NHS: variants seen among roughly 807,000 people sequenced by gnomAD.
NHS encodes the protein NHS actin remodeling regulator, also known as actin remodeling regulator NHS.
A neutral mutation model predicts 72.5 loss-of-function variants in NHS; 5 were observed. The observed-to-expected ratio is 0.07, with a 90% CI of 0.04 to 0.14. The LOEUF is 0.14. Among genes scored for constraint, NHS ranks in the 10% least tolerant of loss-of-function variants. The probability of loss-of-function intolerance (pLI) is 1.00; values close to 1 mark genes in which losing one functional copy is unlikely to be tolerated. For missense variants in NHS, 1,072 were observed against 1,355.7 expected, an observed-to-expected ratio of 0.79 and a Z score of 3.29; for synonymous variants, 464 against 547.7, an observed-to-expected ratio of 0.85 and a Z score of 2.13.
Position 17,692,468 on chromosome X carries a change from G to T in NHS, c.852G>T (p.Thr284=). The T allele has an allele frequency of 8.3e-7, 1 of 1,210,279 alleles. No homozygotes were observed. The highest frequency in any genetic ancestry group is 1.1e-6 in the Non-Finnish European group (1 of 895,016). Residue 284 remains threonine, a splice_region_variant and synonymous_variant, in exon 3 of 9, where the codon ACG becomes ACT. Coordinates refer to ENST00000676302, the MANE Select transcript of NHS (RefSeq NM_001291867.2). Reference sequence around the variant, plus strand: ...AGTTTAAGGACCGTCACTTTTTAACGGTAAGTTTGGTGGCCACCTGCAGCC... The same window carrying T: ...AGTTTAAGGACCGTCACTTTTTAACTGTAAGTTTGGTGGCCACCTGCAGCC... The part of the protein sequence containing the change: ...RREFKDRHFL[T]FNSTRSPSPT...
At chrX:17,568,911 C>T (rs781709242) in intron 1 of NHS, among the ~76,000 whole-genome samples, 5 of 109,198 alleles carry the variant, frequency 4.6e-5, no homozygotes, top group East Asian at 2.9e-4. Context: ...TGAGAAAATG[C>T]GGTGTTTGGT....
At chrX:17,441,545 T>C (rs187490666) in intron 1 of NHS, among the ~76,000 whole-genome samples, 171 of 112,086 alleles carry the variant, frequency 1.5e-3, no homozygotes, top group African/African-American at 5.2e-3. Context: ...CTTGACACTT[T>C]CTATTTTCTG....
At chrX:17,557,711 T>TG (rs113820898) in intron 1 of NHS, among the ~76,000 whole-genome samples, 21,909 of 110,477 alleles carry the variant, frequency 0.2, 4,837 homozygotes, top group African/African-American at 0.65. Flanking sequence ...AAGGCTCAAC[T>TG]GGGGTGGATT....
intron 1 of NHS, among the ~76,000 whole-genome samples, chrX:17,639,450 G>A (rs369788779): frequency 8.1e-5 from 9 of 111,221 alleles, no homozygotes; most frequent in African/African-American, 2.9e-4. Flanking sequence ...GTTGCATCTG[G>A]TTGGCTTCTG....
chrX:17,489,183 G>A (rs2064979757), intron 1 of NHS, among the ~76,000 whole-genome samples: 1 of 112,077 alleles, frequency 8.9e-6, no homozygotes, highest in Non-Finnish European at 1.9e-5. Context: ...TCTTTATCCA[G>A]TCTATCACTG....
intron 1 of NHS, among the ~76,000 whole-genome samples, chrX:17,561,568 G>GCACACACACACA (rs1415127425): frequency 2.0e-4 from 13 of 65,618 alleles, no homozygotes; most frequent in African/African-American, 8.6e-4. Flanking sequence ...GCGCGCGCGC[G>GCACACACACACA]CGCGCGCACA....
intron 1 of NHS, among the ~76,000 whole-genome samples, chrX:17,425,013 A>G (rs532905324): frequency 8.9e-6 from 1 of 112,238 alleles, no homozygotes; most frequent in South Asian, 3.7e-4. Flanking sequence ...GGAAAGGGCT[A>G]TACTTACTTA....
At chrX:17,660,015 G>C (rs2065975294) in intron 1 of NHS, among the ~76,000 whole-genome samples, 1 of 111,704 alleles carries the variant, frequency 9.0e-6, no homozygotes, top group South Asian at 3.8e-4. Flanking sequence ...TGTCCAATTG[G>C]GACATTTTTA....
In NHS at chrX:17,664,587, C is replaced by T. The variant is rs191715244; in HGVS notation, c.566-23155C>T. Among the ~76,000 whole-genome samples the T allele has an allele frequency of 2.3e-4, 26 of 112,252 alleles. No homozygotes were observed. In the East Asian group the frequency reaches 7.2e-3, roughly 31 times the overall value. ...ATAATGTCTACTTTCTTGCCAAAAC[C>T]ACACTGTCTTGACCTCTGTAGATTT... On this transcript the variant is annotated intron_variant, in intron 1 of 8. Coordinates refer to ENST00000676302, the MANE Select transcript of NHS (RefSeq NM_001291867.2).
chrX:17,430,251 CT>C (rs1329343161), intron 1 of NHS, among the ~76,000 whole-genome samples: 23 of 65,511 alleles, frequency 3.5e-4, no homozygotes, highest in African/African-American at 1.3e-3. Context: ...CCTCCCTCCC[CT>C]CTTTCTTTTT....
At chrX:17,506,565 A>ATAAATAAATAAG (rs1555999267) in intron 1 of NHS, among the ~76,000 whole-genome samples, 25 of 101,876 alleles carry the variant, frequency 2.5e-4, no homozygotes, top group African/African-American at 3.9e-4. Context: ...AAATAAATAA[A>ATAAATAAATAAG]TAAGTAAATA....
Position 17,378,059 on chromosome X carries a change from CGTGT to C in NHS, c.565+1761_565+1764del, listed in dbSNP as rs34807039. Among the ~76,000 whole-genome samples, 75 of 100,867 alleles carry C rather than the reference CGTGT, an allele frequency of 7.4e-4. 3 individuals are homozygous for C. The highest frequency in any genetic ancestry group is 4.0e-3 in the Admixed American group (37 of 9,278). 87.6% of individuals were successfully genotyped at this position (100,867 alleles called of 115,157 possible). On this transcript the variant is annotated intron_variant, in intron 1 of 8. Coordinates refer to ENST00000676302, the MANE Select transcript of NHS (RefSeq NM_001291867.2). ...ACTGTTGAGTGGTGCATACATTTCC[CGTGT>C]GTGTGTGTGTGTGTGTGTGTGTGAG...
At chrX:17,646,190 C>A (rs747648532) in intron 1 of NHS, among the ~76,000 whole-genome samples, 1 of 111,860 alleles carries the variant, frequency 8.9e-6, no homozygotes, top group South Asian at 3.7e-4. Flanking sequence ...AATTCTCCTG[C>A]CTCAGCCTCC....
intron 1 of NHS, among the ~76,000 whole-genome samples, chrX:17,414,896 G>A (rs986345937): frequency 5.3e-4 from 59 of 111,560 alleles, no homozygotes; most frequent in African/African-American, 1.9e-3. Flanking sequence ...TAGAGGCAGA[G>A]CAGCAAGGGT....
chrX:17,537,135 C>T (rs749335545), intron 1 of NHS, among the ~76,000 whole-genome samples: 1 of 112,296 alleles, frequency 8.9e-6, no homozygotes, highest in Non-Finnish European at 1.9e-5. Context: ...CATCTTCCTT[C>T]CATCTGTCCC....
intron 1 of NHS, among the ~76,000 whole-genome samples, chrX:17,516,583 A>G (rs1178909758): frequency 9.3e-6 from 1 of 107,276 alleles, no homozygotes; most frequent in African/African-American, 3.5e-5. Flanking sequence ...ACACACACAC[A>G]CACACACACA....
chrX:17,704,062 G>A (rs1288405233), intron 3 of NHS, among the ~76,000 whole-genome samples: 1 of 110,922 alleles, frequency 9.0e-6, no homozygotes, highest in Non-Finnish European at 1.9e-5. Flanking sequence ...GCCAGAGAGA[G>A]AGAATGACCT....
chrX:17,716,986 G>A (rs1300476577), intron 3 of NHS, among the ~76,000 whole-genome samples: 2 of 91,199 alleles, frequency 2.2e-5, no homozygotes, highest in South Asian at 5.5e-4. Flanking sequence ...TTTTCCCTCC[G>A]AGACAGAGTC....
intron 1 of NHS, among the ~76,000 whole-genome samples, chrX:17,506,749 C>T (rs1262589824): frequency 2.7e-5 from 3 of 110,686 alleles, no homozygotes; most frequent in Admixed American, 9.7e-5. Flanking sequence ...ATTCTCACAT[C>T]CTTCCAGCAT....
Sources: allele counts gnomAD v4.1 joint callset (sites outside exome capture counted in the v4.1 genomes callset), GRCh38; gene constraint gnomAD v4.1.1; transcripts MANE v1.5; gene names NCBI Gene and HGNC (gene_info 2026-07-23, HGNC 2026-07-21).